The following KLF17 variants were observed in gnomAD, a reference collection of about 807,000 sequenced individuals.
The protein encoded by KLF17 is Krueppel-like factor 17.
In KLF17, 31 loss-of-function variants were observed where a neutral mutation model predicts 34.2. The ratio of observed to expected loss-of-function variants is 0.91; its 90% CI spans 0.68 to 1.22. The LOEUF is 1.22. Among genes scored for constraint, KLF17 ranks in the 50% most tolerant of loss-of-function variants. KLF17 has a pLI of 0.00. For synonymous variants in KLF17, 179 were observed against 186.7 expected (o/e 0.96, Z 0.34); for missense variants, 478 against 505.2 (o/e 0.95, Z 0.52).
chr1:44,049,878 A>G, the KLF17 span, among the ~76,000 whole-genome samples: 1 of 152,236 alleles, frequency 6.6e-6, no homozygotes, highest in African/African-American at 2.4e-5. Context: ...GCATGAATAT[A>G]TAATAATTTA....
At chr1:44,057,148 C>G in the KLF17 span, among the ~76,000 whole-genome samples, 1 of 152,152 alleles carries the variant, frequency 6.6e-6, no homozygotes, top group Admixed American at 6.5e-5. Flanking sequence ...ACAGGTTATA[C>G]AGTGGCTAGC....
At chr1:44,090,920 ACACACATG>A in the KLF17 span, among the ~76,000 whole-genome samples, 1 of 149,190 alleles carries the variant, frequency 6.7e-6, no homozygotes, top group Non-Finnish European at 1.5e-5. Context: ...CACCACACAC[ACACACATG>A]CACACGCACA....
the KLF17 span, among the ~76,000 whole-genome samples, chr1:44,080,049 C>T: frequency 1.3e-5 from 2 of 151,788 alleles, no homozygotes; most frequent in African/African-American, 4.8e-5. Context: ...CTGTCTCAGC[C>T]TCCTGAGTAG....
chr1:44,049,583 A>T, the KLF17 span, among the ~76,000 whole-genome samples: 1 of 152,218 alleles, frequency 6.6e-6, no homozygotes, highest in South Asian at 2.1e-4. Flanking sequence ...CCCAGGGTCA[A>T]GCAATCCTCT....
chr1:44,079,620 T>G, the KLF17 span, among the ~76,000 whole-genome samples: 1 of 152,236 alleles, frequency 6.6e-6, no homozygotes, highest in African/African-American at 2.4e-5. Context: ...TTCTTTATAT[T>G]AAAATTTCCC....
At chr1:44,078,733 G>T in the KLF17 span, among the ~76,000 whole-genome samples, 1 of 152,134 alleles carries the variant, frequency 6.6e-6, no homozygotes, top group Admixed American at 6.5e-5. Flanking sequence ...GCTGTGCCCG[G>T]CCGCTTTTCC....
rs563955580 is a variant in KLF17, at chr1:44,123,768, T to G, written c.81+4780T>G. Among the ~76,000 whole-genome samples, 27 of 152,318 alleles carry G rather than the reference T, an allele frequency of 1.8e-4. No individual in the cohort carries two copies. The South Asian group carries it at 5.6e-3, about 32-fold the overall frequency. ...TTTGATAGTTATGTTTTCATTTTTA[T>G]TGGTCTCTAAGTATTTTCTAATTTT... On this transcript the variant is annotated intron_variant, in intron 1 of 3. Transcript: ENST00000372299.
At chr1:44,091,484 T>G in the KLF17 span, among the ~76,000 whole-genome samples, 1 of 151,858 alleles carries the variant, frequency 6.6e-6, no homozygotes, top group Non-Finnish European at 1.5e-5. Flanking sequence ...GGTGAGACCC[T>G]GTTTCTACTA....
At chr1:44,104,810 G>A in the KLF17 span, 1 of 191,308 alleles carries the variant, frequency 5.2e-6, no homozygotes. Context: ...TCAGCAATGG[G>A]AATGACTGAA....
At chr1:44,127,356 A>G (rs986351517) in intron 1 of KLF17, among the ~76,000 whole-genome samples, 1 of 152,130 alleles carries the variant, frequency 6.6e-6, no homozygotes, top group East Asian at 1.9e-4. Flanking sequence ...AAGCCCGTCC[A>G]GTGTCCCTTT....
At chr1:44,086,950 C>T in the KLF17 span, among the ~76,000 whole-genome samples, 1 of 152,116 alleles carries the variant, frequency 6.6e-6, no homozygotes, top group Non-Finnish European at 1.5e-5. Context: ...AAGTTAAGTG[C>T]CCACTTGAGG....
chr1:44,104,898 A>C, the KLF17 span: 1 of 155,144 alleles, frequency 6.4e-6, no homozygotes, highest in African/African-American at 2.4e-5. Flanking sequence ...TGTAAAAAAA[A>C]AAACAAAACA....
chr1:44,106,385 C>G, the KLF17 span: 2 of 152,448 alleles, frequency 1.3e-5, no homozygotes, highest in Admixed American at 1.3e-4. Flanking sequence ...ATCTCCAGCT[C>G]CAGGTGAATC....
the KLF17 span, among the ~76,000 whole-genome samples, chr1:44,090,573 A>G: frequency 6.6e-6 from 1 of 152,102 alleles, no homozygotes; most frequent in Non-Finnish European, 1.5e-5. Context: ...ACAGCAGGCC[A>G]AAGATTGATC....
At chr1:44,086,624 T>C in the KLF17 span, among the ~76,000 whole-genome samples, 1 of 152,224 alleles carries the variant, frequency 6.6e-6, no homozygotes, top group African/African-American at 2.4e-5. Context: ...TACAGCATCT[T>C]TGCATCCTGA....
At chr1:44,086,233 G>A in the KLF17 span, among the ~76,000 whole-genome samples, 5 of 152,218 alleles carry the variant, frequency 3.3e-5, no homozygotes, top group South Asian at 2.1e-4. Flanking sequence ...TTGGGAGGCC[G>A]AGGCAGGCAG....
chr1:44,058,349 G>T, the KLF17 span, among the ~76,000 whole-genome samples: 7 of 152,108 alleles, frequency 4.6e-5, no homozygotes, highest in Non-Finnish European at 1.0e-4. Context: ...ATCGTGCAGT[G>T]GCACGATCTC....
the KLF17 span, among the ~76,000 whole-genome samples, chr1:44,062,259 C>T: frequency 3.7e-3 from 560 of 152,302 alleles, 2 homozygotes; most frequent in African/African-American, 0.013. Context: ...ATTTTTAACT[C>T]TAAAACAGAA....
chr1:44,126,218 GGT>G (rs1476784790), intron 1 of KLF17, among the ~76,000 whole-genome samples: 1 of 151,918 alleles, frequency 6.6e-6, no homozygotes, highest in African/African-American at 2.4e-5. Flanking sequence ...TGGAGACATG[GGT>G]CTCACCATGT....
Sources: gnomAD v4.1 joint callset for allele counts (sites outside exome capture counted in the v4.1 genomes callset) on GRCh38, gnomAD v4.1.1 for gene constraint, MANE v1.5 for transcripts, NCBI Gene and HGNC (gene_info 2026-07-23, HGNC 2026-07-21) for gene names.